The following RNF150 variants were observed in gnomAD, a reference collection of about 807,000 sequenced individuals.
The protein encoded by RNF150 is ring finger protein 150.
In RNF150, 24 loss-of-function variants were observed where a neutral mutation model predicts 39.3. That is an observed-to-expected ratio of 0.61 (90% CI 0.44 to 0.86). The LOEUF (loss-of-function observed/expected upper bound fraction) is 0.86, where lower values mean the gene tolerates loss of function less well. RNF150 is among the 40% of genes least tolerant of loss of function. RNF150 has a pLI of 0.00. For missense variants in RNF150, 502 were observed against 587.8 expected (o/e 0.85, Z 1.51); for synonymous variants, 255 against 227.3 (o/e 1.12, Z -1.10).
intron 6 of RNF150, among the ~76,000 whole-genome samples, chr4:140,904,980 C>T (rs1251927972): frequency 6.6e-6 from 1 of 152,116 alleles, no homozygotes; most frequent in Non-Finnish European, 1.5e-5. Context: ...TTAAGCTCCC[C>T]AAATTAGAGA....
At chr4:141,012,394 C>A (rs184781725) in intron 1 of RNF150, among the ~76,000 whole-genome samples, 16 of 152,346 alleles carry the variant, frequency 1.1e-4, no homozygotes, top group African/African-American at 3.6e-4. Context: ...GGGCCTCCCC[C>A]ACTTTGTACT....
intron 2 of RNF150, among the ~76,000 whole-genome samples, chr4:140,959,912 C>T (rs1732948202): frequency 6.6e-6 from 1 of 152,122 alleles, no homozygotes; most frequent in Admixed American, 6.6e-5. Context: ...AGCGCTTCTG[C>T]AATACCCTCT....
Position 141,027,913 on chromosome 4 carries a change from T to TTTTTTG in RNF150, c.485-60041_485-60040insCAAAAA, listed in dbSNP as rs1560696632. Among the ~76,000 whole-genome samples the TTTTTTG allele has an allele frequency of 3.1e-4, 14 of 45,284 alleles. 5 individuals carry two copies. The highest frequency in any genetic ancestry group is 5.3e-4 in the Admixed American group (2 of 3,750). 29.7% of individuals were successfully genotyped at this position (45,284 alleles called of 152,430 possible). ...AGATAGTTAATGAGCTTGGAATTTG[T>TTTTTTG]TTTTTTTTTTTTGTTTTTTTTTTTT... On this transcript the variant is annotated intron_variant, in intron 1 of 6. Coordinates refer to ENST00000515673, the MANE Select transcript of RNF150 (RefSeq NM_020724.2).
At chr4:140,873,034 C>A (rs1729008976) in intron 6 of RNF150, among the ~76,000 whole-genome samples, 2 of 152,082 alleles carry the variant, frequency 1.3e-5, no homozygotes, top group Admixed American at 1.3e-4. Flanking sequence ...TTGAAGAAAC[C>A]CAAACACCTA....
rs987145200 is a variant in RNF150, at chr4:141,106,603, G to A, written c.484+25722C>T. ...AGGTTGGGAATTCGAGACCAACCTGGCTGATGTGGTAAAGCCCCATCTCTA... is the reference window on the plus strand; with the variant it reads ...AGGTTGGGAATTCGAGACCAACCTGACTGATGTGGTAAAGCCCCATCTCTA... On this transcript the variant is annotated intron_variant, in intron 1 of 6. Coordinates refer to ENST00000515673, the MANE Select transcript of RNF150 (RefSeq NM_020724.2). Among the ~76,000 whole-genome samples the A allele has an allele frequency of 5.9e-5, 9 of 152,068 alleles. No individual in the cohort carries two copies. In the South Asian group the frequency reaches 1.2e-3, roughly 21 times the overall value.
At chr4:141,165,668 G>A (rs1278541662) in intron 1 of RNF150, among the ~76,000 whole-genome samples, 1 of 152,080 alleles carries the variant, frequency 6.6e-6, no homozygotes, top group African/African-American at 2.4e-5. Context: ...ACAACTACAT[G>A]GAAACTGAAC....
intron 6 of RNF150, among the ~76,000 whole-genome samples, chr4:140,889,470 C>T (rs1009759963): frequency 3.9e-5 from 6 of 152,204 alleles, no homozygotes; most frequent in Non-Finnish European, 8.8e-5. Flanking sequence ...TTTCTATACA[C>T]ATTCCTCCTA....
chr4:141,166,744 C>T (rs1226846447), intron 1 of RNF150, among the ~76,000 whole-genome samples: 1 of 152,088 alleles, frequency 6.6e-6, no homozygotes, highest in Non-Finnish European at 1.5e-5. Flanking sequence ...AATTCAACAC[C>T]TTTTCATGCT....
chr4:141,165,090 A>G (rs1727578229), intron 1 of RNF150, among the ~76,000 whole-genome samples: 1 of 152,164 alleles, frequency 6.6e-6, no homozygotes, highest in South Asian at 2.1e-4. Context: ...TAAAACTAAA[A>G]AGATGGAGTA....
At chr4:141,106,424 A>G (rs1739209854) in intron 1 of RNF150, among the ~76,000 whole-genome samples, 1 of 152,210 alleles carries the variant, frequency 6.6e-6, no homozygotes, top group Non-Finnish European at 1.5e-5. Flanking sequence ...TGTGAGTTTG[A>G]GTCCTAGCTA....
intron 5 of RNF150, among the ~76,000 whole-genome samples, chr4:140,922,950 A>G (rs1364033875): frequency 6.6e-6 from 1 of 150,858 alleles, no homozygotes; most frequent in East Asian, 1.9e-4. Context: ...CCTTCCTTAC[A>G]CCTTATACAA....
intron 1 of RNF150, among the ~76,000 whole-genome samples, chr4:141,009,780 C>G (rs747709531): frequency 6.6e-6 from 1 of 152,098 alleles, no homozygotes; most frequent in African/African-American, 2.4e-5. Context: ...TAATGTTAAT[C>G]TTCCTTTTTC....
intron 1 of RNF150, among the ~76,000 whole-genome samples, chr4:141,020,586 T>C (rs553996508): frequency 2.0e-5 from 3 of 152,254 alleles, no homozygotes; most frequent in African/African-American, 7.2e-5. Context: ...TCCTACTGCC[T>C]AGAGGACCTA....
chr4:141,035,384 G>A (rs1375753904), intron 1 of RNF150, among the ~76,000 whole-genome samples: 1 of 152,154 alleles, frequency 6.6e-6, no homozygotes, highest in Non-Finnish European at 1.5e-5. Context: ...CAGGCATGCA[G>A]TGTCCTCATT....
chr4:141,026,115 C>A (rs577236370), intron 1 of RNF150, among the ~76,000 whole-genome samples: 1 of 152,132 alleles, frequency 6.6e-6, no homozygotes, highest in Admixed American at 6.6e-5. Context: ...CCAGACTTCA[C>A]AACTGTGAGA....
intron 4 of RNF150, among the ~76,000 whole-genome samples, chr4:140,939,072 C>T (rs1451859132): frequency 9.2e-5 from 14 of 152,178 alleles, no homozygotes. Flanking sequence ...TTCCAAGTCT[C>T]CAGGTCTATC....
intron 6 of RNF150, among the ~76,000 whole-genome samples, chr4:140,901,894 C>T (rs749636240): frequency 1.3e-5 from 2 of 152,048 alleles, no homozygotes; most frequent in Non-Finnish European, 2.9e-5. Flanking sequence ...CATGGGAGGA[C>T]GGTGTACCTG....
At chr4:141,127,221 A>T (rs558864775) in intron 1 of RNF150, among the ~76,000 whole-genome samples, 1 of 152,322 alleles carries the variant, frequency 6.6e-6, no homozygotes, top group East Asian at 1.9e-4. Context: ...TCAAACGGAG[A>T]CAGTAAGGGT....
chr4:140,927,947 C>T (rs560246179), intron 4 of RNF150, among the ~76,000 whole-genome samples: 23 of 152,056 alleles, frequency 1.5e-4, no homozygotes, highest in African/African-American at 5.6e-4. Context: ...CTGGGCCTGG[C>T]CTAACTCTAT....
Sources: gnomAD v4.1 joint callset for allele counts (sites outside exome capture counted in the v4.1 genomes callset) on GRCh38, gnomAD v4.1.1 for gene constraint, MANE v1.5 for transcripts, NCBI Gene and HGNC (gene_info 2026-07-23, HGNC 2026-07-21) for gene names.